Variants in BRS3 observed in about 807,000 individuals in gnomAD.
BRS3 encodes the protein bombesin receptor subtype 3, also known as bombesin receptor subtype-3.
BRS3 carries 5 observed loss-of-function variants against 18.8 expected under a neutral mutation model. The ratio of observed to expected loss-of-function variants is 0.27; its 90% CI spans 0.14 to 0.56. The LOEUF is 0.56. Ranked by LOEUF, BRS3 falls within the 20% of genes least tolerant of loss-of-function variation. The pLI, the probability that BRS3 is intolerant of heterozygous loss-of-function variation, is 0.93. For missense variants in BRS3, 215 were observed against 296.3 expected (o/e 0.73, Z 2.01); for synonymous variants, 121 against 115.0 (o/e 1.05, Z -0.33).
At chrX:136,488,589 T>C (rs1435352807) in intron 1 of BRS3, 41 bp downstream of exon 1, 4 of 1,141,017 alleles carry the variant, frequency 3.5e-6, no homozygotes, top group East Asian at 3.0e-5. Context: ...GGATGTGAAA[T>C]TGGGCAAAAA....
At chrX:136,489,808 G>C (rs2148516991) in intron 1 of BRS3, among the ~76,000 whole-genome samples, 1 of 111,230 alleles carries the variant, frequency 9.0e-6, no homozygotes, top group South Asian at 3.8e-4. Flanking sequence ...TACACAGGTG[G>C]TGAATTACTC....
chrX:136,488,870 A>C (rs1460265535), intron 1 of BRS3, among the ~76,000 whole-genome samples: 1 of 112,269 alleles, frequency 8.9e-6, no homozygotes, highest in Non-Finnish European at 1.9e-5. Context: ...GTAAAGGAAA[A>C]AAATTCATGC....
In BRS3 at chrX:136,487,996, A is replaced by ATTCTG; in HGVS notation, c.-104_-100dup. On this transcript the variant is annotated 5_prime_UTR_variant, in exon 1 of 3. The change abolishes the stop of an existing upstream ORF in the 5' untranslated region. Coordinates refer to ENST00000370648, the MANE Select transcript of BRS3 (RefSeq NM_001727.2). Reference sequence around the variant, plus strand: ...TCTGGATGTCTTGGATTTTCTTCCCATTCTGTTCTGTTCTGTTCTCCTAAT... The same window carrying ATTCTG: ...TCTGGATGTCTTGGATTTTCTTCCCATTCTGTTCTGTTCTGTTCTGTTCTCCTAAT... 1 of 687,508 alleles carries ATTCTG rather than the reference A, an allele frequency of 1.5e-6. No individual in the cohort carries two copies. Among genetic ancestry groups the ATTCTG allele is most frequent in the Non-Finnish European group, 2.1e-6 (1 of 469,638 alleles). The allele number at this position is 687,508 out of a possible 1,213,427, so 56.7% of individuals were successfully genotyped here.
chrX:136,489,208 G>A (rs2075661737), intron 1 of BRS3, among the ~76,000 whole-genome samples: 1 of 111,272 alleles, frequency 9.0e-6, no homozygotes, highest in African/African-American at 3.3e-5. Flanking sequence ...TTGCAGTCAG[G>A]GTGTTCAGAT....
rs2075672804 is a variant in BRS3, at chrX:136,492,130, G to A, written c.955G>A (p.Ala319Thr). 2.5e-6 allele frequency: 3 copies of A among 1,210,417 alleles called. No individual in the cohort carries two copies. The African/African-American group carries it at 5.2e-5, about 21-fold the overall frequency. ...TTTCACCATTTTCTCTCGGGTTTTG[G>A]CTTTCAGCAATTCTTGCGTAAACCC... Reference protein sequence around the residue: ...FIFTIFSRVLAFSNSCVNPFA... With the variant: ...FIFTIFSRVLTFSNSCVNPFA... The change falls in exon 3 of 3, where the codon GCT (alanine) becomes ACT (threonine). Residue 319 changes from alanine to threonine, a missense_variant. Coordinates refer to ENST00000370648, the MANE Select transcript of BRS3 (RefSeq NM_001727.2).
chrX:136,492,218 G>C lies in BRS3; in HGVS notation c.1043G>C (p.Cys348Ser), dbSNP rs749712664. ...QKHFKAQLFC[C>S]KAERPEPPVA... ...CATTTTAAAGCTCAGTTGTTCTGTT[G>C]CAAGGCGGAGCGGCCTGAGCCTCCT... The change falls in exon 3 of 3, where the codon TGC becomes TCC. Residue 348 changes from cysteine (C) to serine (S), a missense_variant. Physicochemically the swap from Cys to Ser is moderately radical, Grantham distance 112. Coordinates refer to ENST00000370648, the MANE Select transcript of BRS3 (RefSeq NM_001727.2). 9.9e-6 allele frequency: 12 copies of C among 1,211,434 alleles called. No homozygotes were observed. Among genetic ancestry groups the C allele is most frequent in the Non-Finnish European group, 2.2e-6 (2 of 895,506 alleles).
chrX:136,492,224 C>T lies in BRS3; in HGVS notation c.1049C>T (p.Ala350Val), dbSNP rs768900480. 3 of 1,211,478 alleles carry T rather than the reference C, an allele frequency of 2.5e-6. No homozygotes were observed. The highest frequency in any genetic ancestry group is 4.3e-5 in the Admixed American group (2 of 46,015). Reference protein sequence around the residue: ...HFKAQLFCCKAERPEPPVADT... With the variant: ...HFKAQLFCCKVERPEPPVADT... ...AAAGCTCAGTTGTTCTGTTGCAAGG[C>T]GGAGCGGCCTGAGCCTCCTGTTGCT... Residue 350 changes from alanine (A) to valine (V), a missense_variant, in exon 3 of 3, where the codon GCG becomes GTG. Transcript: ENST00000370648.
chrX:136,488,016 C>A lies in BRS3; in HGVS notation c.-99C>A. 1.2e-6 allele frequency: 1 copy of A among 813,401 alleles called. No individual in the cohort carries two copies. Among genetic ancestry groups the A allele is most frequent in the Non-Finnish European group, 1.7e-6 (1 of 572,187 alleles). 67.0% of individuals were successfully genotyped at this position (813,401 alleles called of 1,213,427 possible). On this transcript the variant is annotated 5_prime_UTR_variant, in exon 1 of 3. Coordinates refer to ENST00000370648, the MANE Select transcript of BRS3 (RefSeq NM_001727.2). ...TTCCCATTCTGTTCTGTTCTGTTCT[C>A]CTAATACCATCTCGTTACTAGACGT... is the stretch of plus-strand genomic sequence containing the variant.
At position 136,492,237 on chromosome X, in the gene BRS3, G is replaced by C. The variant is rs765246094; in HGVS notation, c.1062G>C (p.Glu354Asp). 66 of 1,209,735 alleles carry C rather than the reference G, an allele frequency of 5.5e-5. No individual in the cohort carries two copies. The highest frequency in any genetic ancestry group is 7.1e-5 in the Non-Finnish European group (64 of 895,249). ...TCTGTTGCAAGGCGGAGCGGCCTGA[G>C]CCTCCTGTTGCTGACACCTCTCTTA... Reference protein sequence around the residue: ...QLFCCKAERPEPPVADTSLTT... With the variant: ...QLFCCKAERPDPPVADTSLTT... Residue 354 changes from glutamate to aspartate, a missense_variant, in exon 3 of 3, where the codon GAG becomes GAC. Around this residue, in one of 3 missense-constraint regions of BRS3, gnomAD observed 45 missense variants for 45.5 expected, o/e 0.99. Coordinates refer to ENST00000370648, the MANE Select transcript of BRS3 (RefSeq NM_001727.2).
Position 136,490,317 on chromosome X carries a change from C to T in BRS3, c.619C>T (p.Pro207Ser). ...GACATTTGAATCATGTACCTCTTAT[C>T]CTGTCTCTAAGAAGCTCTTGCAAGA... ...NMTFESCTSY[P>S]VSKKLLQEIH... is the part of the protein sequence containing the mutation. The change falls in exon 2 of 3, where the codon CCT (proline) becomes TCT (serine). Residue 207 changes from proline (P) to serine (S), a missense_variant. Physicochemically the swap from Pro to Ser is moderately conservative, Grantham distance 74. Coordinates refer to ENST00000370648, the MANE Select transcript of BRS3 (RefSeq NM_001727.2). The T allele has an allele frequency of 8.3e-7, 1 of 1,209,981 alleles. No homozygotes were observed. Among genetic ancestry groups the T allele is most frequent in the African/African-American group, 1.7e-5 (1 of 57,777 alleles).
At chrX:136,490,047 G>A in intron 1 of BRS3, 86 bp from the exon 2 acceptor site, 1 of 760,799 alleles carries the variant, frequency 1.3e-6, no homozygotes, top group South Asian at 2.7e-5. Context: ...GGGTAGAACT[G>A]GATGACCACT....
intron 2 of BRS3, 51 bp from the exon 3 acceptor site, chrX:136,491,911 G>GTGTTTTTTTTTTTTTTTTTTTTTTTTTTT: frequency 1.7e-6 from 1 of 600,601 alleles, no homozygotes; most frequent in African/African-American, 6.2e-5. Context: ...GTTGTTTTTT[G>GTGTTTTTTTTTTTTTTTTTTTTTTTTTTT]TGTTTTTTTT....
At chrX:136,491,938 T>G in intron 2 of BRS3, 24 bp from the exon 3 acceptor site, 1 of 828,935 alleles carries the variant, frequency 1.2e-6, no homozygotes, top group Non-Finnish European at 1.6e-6. Context: ...TTTTTTTTTT[T>G]TGCTATGTTT....
chrX:136,491,254 C>A (rs1430496763), intron 2 of BRS3, among the ~76,000 whole-genome samples: 1 of 112,083 alleles, frequency 8.9e-6, no homozygotes, highest in East Asian at 2.8e-4. Context: ...TAGAGCTAGT[C>A]CATTCAGTTA....
At position 136,492,111 on chromosome X, in the gene BRS3, C is replaced by G. The variant is rs369993360; in HGVS notation, c.936C>G (p.Thr312=). 7.7e-5 allele frequency: 93 copies of G among 1,207,683 alleles called. No homozygotes were observed. Among genetic ancestry groups the G allele is most frequent in the Admixed American group, 2.0e-4 (9 of 45,500 alleles). Residue 312 remains threonine, a synonymous_variant, in exon 3 of 3, where the codon ACC becomes ACG. Coordinates refer to ENST00000370648, the MANE Select transcript of BRS3 (RefSeq NM_001727.2). ...CCTCTGCCATGCATTTCATTTTCAC[C>G]ATTTTCTCTCGGGTTTTGGCTTTCA... is the stretch of plus-strand genomic sequence containing the variant. The part of the protein sequence containing the change: ...VDPSAMHFIF[T]IFSRVLAFSN...
chrX:136,492,245 T>G lies in BRS3; in HGVS notation c.1070T>G (p.Val357Gly). ...CCKAERPEPP[V>G]ADTSLTTLAV... is the part of the protein sequence containing the mutation. The stretch of plus-strand genomic sequence containing the variant: ...AAGGCGGAGCGGCCTGAGCCTCCTG[T>G]TGCTGACACCTCTCTTACCACCCTG... The change falls in exon 3 of 3, where the codon GTT (valine) becomes GGT (glycine). Residue 357 changes from valine (V) to glycine (G), a missense_variant. By Grantham distance (109) the Val-to-Gly change is moderately radical. Around this residue, in one of 3 missense-constraint regions of BRS3, gnomAD observed 45 missense variants for 45.5 expected, o/e 0.99. Transcript: ENST00000370648. 8.3e-7 allele frequency: 1 copy of G among 1,211,957 alleles called. No individual in the cohort carries two copies. The highest frequency in any genetic ancestry group is 1.1e-6 in the Non-Finnish European group (1 of 895,607).
In BRS3 at chrX:136,492,789, T is replaced by A. The variant is rs1388955544; in HGVS notation, c.*414T>A. The A allele has an allele frequency of 8.4e-6, 1 of 119,268 alleles. No homozygotes were observed. Among genetic ancestry groups the A allele is most frequent in the African/African-American group, 3.2e-5 (1 of 31,310 alleles). The allele number at this position is 119,268 out of a possible 1,213,427, so 9.8% of individuals were successfully genotyped here. The stretch of plus-strand genomic sequence containing the variant: ...GTGTGGTGTAAATCTAGAGATACTT[T>A]GTATGTGAAAAGGGGATCACAAAAG... On this transcript the variant is annotated 3_prime_UTR_variant, in exon 3 of 3. Transcript: ENST00000370648.
Position 136,490,352 on chromosome X carries a change from T to G in BRS3, c.654T>G (p.Ser218=). The change falls in exon 2 of 3, where the codon TCT becomes TCG. Residue 218 remains serine, a synonymous_variant. Transcript: ENST00000370648. ...AGAAGCTCTTGCAAGAAATACATTC[T>G]CTGCTGTGCTTCTTAGTGTTCTACA... ...VSKKLLQEIH[S]LLCFLVFYII... 8.3e-7 allele frequency: 1 copy of G among 1,207,474 alleles called. No individual in the cohort carries two copies. The highest frequency in any genetic ancestry group is 1.1e-6 in the Non-Finnish European group (1 of 891,262).
In BRS3 at chrX:136,491,005, G is replaced by A. The variant is rs951615206; in HGVS notation, c.786+521G>A. Among the ~76,000 whole-genome samples, 3 of 111,842 alleles carry A rather than the reference G, an allele frequency of 2.7e-5. No individual in the cohort carries two copies. In the South Asian group the frequency reaches 1.1e-3, roughly 42 times the overall value. On this transcript the variant is annotated intron_variant, in intron 2 of 2. Coordinates refer to ENST00000370648, the MANE Select transcript of BRS3 (RefSeq NM_001727.2). ...ACACAGATGAGCAAACTGAGGTGGG[G>A]AGGAGTGAGGGGAAAGAGTGGAATG...
Sources: allele counts gnomAD v4.1 joint callset (sites outside exome capture counted in the v4.1 genomes callset), GRCh38; gene constraint gnomAD v4.1.1; regional missense constraint gnomAD v4.1.1; transcripts MANE v1.5; gene names NCBI Gene and HGNC (gene_info 2026-07-23, HGNC 2026-07-21).